Variants in ZNF536 observed in about 807,000 individuals in gnomAD.
ZNF536 encodes zinc finger protein 536.
ZNF536 carries 13 observed loss-of-function variants against 84.5 expected under a neutral mutation model. That is an observed-to-expected ratio of 0.15 (90% CI 0.10 to 0.24). ZNF536 has a LOEUF of 0.24. Ranked by LOEUF, ZNF536 falls within the 10% of genes least tolerant of loss-of-function variation. The probability of loss-of-function intolerance (pLI) is 1.00; values close to 1 mark genes in which losing one functional copy is unlikely to be tolerated. For missense variants in ZNF536, 1,536 were observed against 1,747.5 expected (o/e 0.88, Z 2.16); for synonymous variants, 811 against 742.5 (o/e 1.09, Z -1.50).
At chr19:30,282,876 A>G (rs1401357759) in intron 1 of ZNF536, among the ~76,000 whole-genome samples, 1 of 152,220 alleles carries the variant, frequency 6.6e-6, no homozygotes, top group Non-Finnish European at 1.5e-5. Flanking sequence ...GAGATGGTTG[A>G]GACATCAGGT....
intron 1 of ZNF536, among the ~76,000 whole-genome samples, chr19:30,587,865 C>T (rs1252640669): frequency 6.6e-6 from 1 of 152,236 alleles, no homozygotes; most frequent in Non-Finnish European, 1.5e-5. Flanking sequence ...CAGCCTGTAG[C>T]AGTGCTCAGT....
intron 2 of ZNF536, among the ~76,000 whole-genome samples, chr19:30,315,951 T>C (rs2046664200): frequency 6.6e-6 from 1 of 152,176 alleles, no homozygotes; most frequent in South Asian, 2.1e-4. Flanking sequence ...ATCAGATACA[T>C]AGGAGGTGCA....
At chr19:30,651,968 T>C (rs1405361273) in intron 1 of ZNF536, among the ~76,000 whole-genome samples, 1 of 152,242 alleles carries the variant, frequency 6.6e-6, no homozygotes, top group East Asian at 1.9e-4. Flanking sequence ...TGGTCTTCTT[T>C]TCTCCTTAAA....
At chr19:30,231,651 G>C (rs1040076411) in intron 1 of ZNF536, among the ~76,000 whole-genome samples, 4 of 152,194 alleles carry the variant, frequency 2.6e-5, no homozygotes, top group Non-Finnish European at 5.9e-5. Flanking sequence ...AGAGGGATTG[G>C]TTGTTCAGGT....
intron 2 of ZNF536, among the ~76,000 whole-genome samples, chr19:30,302,140 C>A (rs1018370614): frequency 1.3e-5 from 2 of 152,150 alleles, no homozygotes; most frequent in Non-Finnish European, 2.9e-5. Flanking sequence ...CAGAGAAAGT[C>A]GTTCTAAAAT....
intron 1 of ZNF536, among the ~76,000 whole-genome samples, chr19:30,383,423 G>A (rs1330527501): frequency 6.6e-6 from 1 of 152,194 alleles, no homozygotes; most frequent in East Asian, 1.9e-4. Flanking sequence ...GTGAACAACT[G>A]AGAAAGAGTT....
At chr19:30,686,463 A>G (rs1308699055) in intron 1 of ZNF536, among the ~76,000 whole-genome samples, 2 of 152,128 alleles carry the variant, frequency 1.3e-5, no homozygotes, top group East Asian at 1.9e-4. Context: ...GGCACTGACA[A>G]TGGAAGCTGC....
chr19:30,302,641 G>A (rs1454018243), intron 2 of ZNF536, among the ~76,000 whole-genome samples: 2 of 152,108 alleles, frequency 1.3e-5, no homozygotes, highest in Non-Finnish European at 2.9e-5. Flanking sequence ...AGGGCCAAGG[G>A]TGAGCCCACG....
chr19:30,666,846 A>ATATG (rs961901774), intron 1 of ZNF536, among the ~76,000 whole-genome samples: 65 of 150,778 alleles, frequency 4.3e-4, no homozygotes, highest in East Asian at 1.2e-3. Flanking sequence ...ATATATATAT[A>ATATG]TATGTATGTA....
At chr19:30,683,582 G>C (rs1005073434) in intron 1 of ZNF536, among the ~76,000 whole-genome samples, 2 of 151,894 alleles carry the variant, frequency 1.3e-5, no homozygotes, top group African/African-American at 4.8e-5. Context: ...CCCTCTGATG[G>C]TTTCTGCCTG....
intron 1 of ZNF536, among the ~76,000 whole-genome samples, chr19:30,636,590 G>T (rs998446872): frequency 4.6e-5 from 7 of 152,110 alleles, no homozygotes; most frequent in African/African-American, 4.8e-5. Context: ...CCCATTTTGC[G>T]ATGTTGGATT....
intron 1 of ZNF536, among the ~76,000 whole-genome samples, chr19:30,648,423 C>G (rs949953312): frequency 1.3e-5 from 2 of 152,154 alleles, no homozygotes; most frequent in Admixed American, 1.3e-4. Context: ...GGCGCTCGAC[C>G]TACATCACAC....
chr19:30,571,011 G>A (rs2146546579), intron 1 of ZNF536, among the ~76,000 whole-genome samples: 1 of 152,258 alleles, frequency 6.6e-6, no homozygotes, highest in Non-Finnish European at 1.5e-5. Flanking sequence ...AAGATAAGTG[G>A]GCCTCACGCA....
chr19:30,456,308 CTTT>C (rs11301441), intron 2 of ZNF536, among the ~76,000 whole-genome samples: 13 of 108,096 alleles, frequency 1.2e-4, no homozygotes, highest in African/African-American at 1.0e-4. Context: ...TGTTTCTTTT[CTTT>C]TTTTTTTTTT....
chr19:30,259,461 C>T (rs35220474), intron 1 of ZNF536, among the ~76,000 whole-genome samples: 7,387 of 152,272 alleles, frequency 0.049, 302 homozygotes, highest in Non-Finnish European at 0.063. Flanking sequence ...TCCCGGGCCT[C>T]ACCCCAGACC....
intron 1 of ZNF536, among the ~76,000 whole-genome samples, chr19:30,641,818 G>GTAA (rs1413039750): frequency 6.6e-6 from 1 of 150,992 alleles, no homozygotes; most frequent in Non-Finnish European, 1.5e-5. Context: ...TGGCCGGGAT[G>GTAA]TAATGCCTGT....
intron 1 of ZNF536, among the ~76,000 whole-genome samples, chr19:30,578,046 G>A (rs1321948738): frequency 6.6e-6 from 1 of 152,218 alleles, no homozygotes; most frequent in Non-Finnish European, 1.5e-5. Context: ...GCAACAGTGC[G>A]GCTTTTGTGC....
intron 1 of ZNF536, among the ~76,000 whole-genome samples, chr19:30,701,466 AAC>A (rs1248280202): frequency 7.6e-6 from 1 of 131,872 alleles, no homozygotes; most frequent in Non-Finnish European, 1.7e-5. Flanking sequence ...CAAACACACA[AAC>A]ACACACAGAC....
intron 1 of ZNF536, among the ~76,000 whole-genome samples, chr19:30,435,254 G>GTGATGATGATGGTGATAATGA (rs2051681134): frequency 6.7e-6 from 1 of 149,950 alleles, no homozygotes; most frequent in Non-Finnish European, 1.5e-5. Flanking sequence ...GGTGATAATG[G>GTGATGATGATGGTGATAATGA]TGGTAATGAT....
Sources: allele counts gnomAD v4.1 joint callset (sites outside exome capture counted in the v4.1 genomes callset), GRCh38; gene constraint gnomAD v4.1.1; transcripts MANE v1.5; gene names NCBI Gene and HGNC (gene_info 2026-07-23, HGNC 2026-07-21).